The following DYNC2I1 variants were observed in gnomAD, a reference collection of about 807,000 sequenced individuals.
DYNC2I1 encodes cytoplasmic dynein 2 intermediate chain 1.
DYNC2I1 carries 89 observed loss-of-function variants against 133.4 expected under a neutral mutation model. That is an observed-to-expected ratio of 0.67 (90% CI 0.56 to 0.80). The LOEUF (loss-of-function observed/expected upper bound fraction) is 0.80. DYNC2I1 is among the 30% of genes least tolerant of loss of function. The pLI is 0.00. For missense variants in DYNC2I1, 1,291 were observed against 1,314.5 expected (o/e 0.98, Z 0.28); for synonymous variants, 504 against 484.3 (o/e 1.04, Z -0.54).
Position 158,869,895 on chromosome 7 carries a change from GAA to G in DYNC2I1, c.59_60del (p.Lys20ThrfsTer23). The G allele has an allele frequency of 6.2e-7, 1 of 1,613,594 alleles. No homozygotes were observed. The highest frequency in any genetic ancestry group is 8.5e-7 in the Non-Finnish European group (1 of 1,179,576). On this transcript the variant is annotated frameshift_variant, in exon 2 of 25. Transcript: ENST00000407559. LOFTEE classifies it high-confidence loss of function. ...GATACCTGGAAAGCAGATGACCTCA[GAA>G]AACATCTCTGGGTAATTATTGTAAA...
Position 158,918,216 on chromosome 7 carries a change from A to G in DYNC2I1, c.1792-524A>G, listed in dbSNP as rs151115445. ...CAAATCCTGTTGCTTCTCATTCAAC[A>G]CTCTCTGCCTTCCTCACTTTCCTTG... On this transcript the variant is annotated intron_variant, in intron 14 of 24. Transcript: ENST00000407559. 1.7e-3 allele frequency among the ~76,000 whole-genome samples: 255 copies of G among 151,906 alleles called. 2 individuals carry two copies. Among genetic ancestry groups the G allele is most frequent in the African/African-American group, 5.4e-3 (224 of 41,390 alleles).
At chr7:158,845,536 T>G in the DYNC2I1 span, among the ~76,000 whole-genome samples, 1 of 152,152 alleles carries the variant, frequency 6.6e-6, no homozygotes, top group Non-Finnish European at 1.5e-5. Context: ...TAAAATAGAA[T>G]AATTGTTGCT....
chr7:158,942,579 C>T (rs897283574), intron 24 of DYNC2I1, among the ~76,000 whole-genome samples: 1 of 152,248 alleles, frequency 6.6e-6, no homozygotes, highest in African/African-American at 2.4e-5. Context: ...GGTATTTCCC[C>T]ATCATTAGTG....
At chr7:158,884,700 G>C in intron 6 of DYNC2I1, 81 bp downstream of exon 6, 3 of 1,448,404 alleles carry the variant, frequency 2.1e-6, no homozygotes, top group Non-Finnish European at 2.9e-6. Flanking sequence ...TATTGGCTCC[G>C]ATGACGGCCA....
intron 15 of DYNC2I1, among the ~76,000 whole-genome samples, chr7:158,919,449 A>G (rs1848794175): frequency 6.6e-6 from 1 of 152,200 alleles, no homozygotes; most frequent in Non-Finnish European, 1.5e-5. Flanking sequence ...GACCAAACTG[A>G]AATTTCTTGA....
intron 4 of DYNC2I1, among the ~76,000 whole-genome samples, chr7:158,955,761 A>G (rs1012060424): frequency 3.9e-5 from 6 of 152,198 alleles, no homozygotes; most frequent in Non-Finnish European, 7.3e-5. Context: ...TGTCCTGCCC[A>G]GTTCCTGTAA....
chr7:158,929,021 A>G (rs960194359), intron 20 of DYNC2I1, among the ~76,000 whole-genome samples: 5 of 152,252 alleles, frequency 3.3e-5, no homozygotes, highest in African/African-American at 1.2e-4. Context: ...TTTGTAGTAC[A>G]TGATGGTCAT....
the DYNC2I1 span, among the ~76,000 whole-genome samples, chr7:158,850,115 G>A: frequency 6.6e-6 from 1 of 152,232 alleles, no homozygotes; most frequent in Non-Finnish European, 1.5e-5. Flanking sequence ...TGCAGAGCTG[G>A]GGAGTGGGGA....
chr7:158,934,342 G>T, intron 22 of DYNC2I1, 76 bp from the exon 23 acceptor site: 1 of 1,547,954 alleles, frequency 6.5e-7, no homozygotes, highest in East Asian at 2.3e-5. Flanking sequence ...AGTTTAAATT[G>T]TTTGAGGAAC....
chr7:158,927,089 A>G, intron 20 of DYNC2I1, 46 bp downstream of exon 20: 1 of 1,412,014 alleles, frequency 7.1e-7, no homozygotes, highest in South Asian at 1.3e-5. Flanking sequence ...TCTAAAATGA[A>G]TCGAGATTAA....
intron 17 of DYNC2I1, among the ~76,000 whole-genome samples, chr7:158,925,299 A>G (rs1444620485): frequency 6.6e-6 from 1 of 152,002 alleles, no homozygotes; most frequent in Non-Finnish European, 1.5e-5. Flanking sequence ...CCTGAGTTCA[A>G]TCCCAGTTCT....
At chr7:158,908,265 T>A (rs1183360857) in intron 11 of DYNC2I1, among the ~76,000 whole-genome samples, 1 of 151,722 alleles carries the variant, frequency 6.6e-6, no homozygotes, top group African/African-American at 2.4e-5. Context: ...CCAAGATAAA[T>A]TCCAAATGGA....
chr7:158,877,619 T>C (rs1843489153), intron 4 of DYNC2I1, among the ~76,000 whole-genome samples: 1 of 152,194 alleles, frequency 6.6e-6, no homozygotes, highest in Non-Finnish European at 1.5e-5. Flanking sequence ...CAGAAGAAAA[T>C]GGCATTTCTG....
At chr7:158,934,679 C>T in intron 23 of DYNC2I1, 130 bp downstream of exon 23, 1 of 935,446 alleles carries the variant, frequency 1.1e-6, no homozygotes, top group Non-Finnish European at 1.6e-6. Context: ...CTCCTGGGCT[C>T]AAATGACCCT....
In DYNC2I1 at chr7:158,900,974, A is replaced by G. The variant is rs77529931; in HGVS notation, c.1060-765A>G. On this transcript the variant is annotated intron_variant, in intron 8 of 24. Coordinates refer to ENST00000407559, the MANE Select transcript of DYNC2I1 (RefSeq NM_018051.5). ...TGCTTGCCTGCTATCAACTTTGTCTATTAGAGCTCTTAGGATGTCCTCATA... is the reference window on the plus strand; with the variant it reads ...TGCTTGCCTGCTATCAACTTTGTCTGTTAGAGCTCTTAGGATGTCCTCATA... Among the ~76,000 whole-genome samples, 941 of 152,058 alleles carry G rather than the reference A, an allele frequency of 6.2e-3. 60 individuals carry two copies. The East Asian group carries it at 0.13, about 21-fold the overall frequency.
At chr7:158,924,203 C>G (rs1849385344) in intron 17 of DYNC2I1, among the ~76,000 whole-genome samples, 1 of 152,234 alleles carries the variant, frequency 6.6e-6, no homozygotes, top group South Asian at 2.1e-4. Context: ...TCCCTGTGTT[C>G]TGGGACTCGC....
At chr7:158,900,736 T>TTC (rs1554459697) in intron 8 of DYNC2I1, among the ~76,000 whole-genome samples, 1 of 151,396 alleles carries the variant, frequency 6.6e-6, no homozygotes, top group African/African-American at 2.4e-5. Flanking sequence ...GTTCTGTTTT[T>TTC]TTTTTTTTTT....
rs760299957 is a variant in DYNC2I1 at position 158,922,439 on chromosome 7, G to A, written c.1984G>A (p.Asp662Asn). The change falls in exon 16 of 25, where the codon GAC (aspartate) becomes AAC (asparagine). Residue 662 changes from aspartate to asparagine, a missense_variant. Asp to Asn is a conservative substitution (Grantham distance 23). Coordinates refer to ENST00000407559, the MANE Select transcript of DYNC2I1 (RefSeq NM_018051.5). ...GAGGCAGATGGTGGTCTCCGTTCAC[G>A]ACTTACCCGAGAAGAGCTTTGTGCC... The part of the protein sequence containing the change: ...VQRQMVVSVH[D>N]LPEKSFVPLL... 8.7e-6 allele frequency: 14 copies of A among 1,613,966 alleles called. No individual in the cohort carries two copies. Among genetic ancestry groups the A allele is most frequent in the East Asian group, 4.5e-5 (2 of 44,886 alleles).
chr7:158,927,065 T>G, intron 20 of DYNC2I1, 22 bp downstream of exon 20: 2 of 1,540,014 alleles, frequency 1.3e-6, no homozygotes, highest in Non-Finnish European at 1.8e-6. Context: ...GTAAAAAAAT[T>G]AATTTTAGTG....
Sources: gnomAD v4.1 joint callset for allele counts (sites outside exome capture counted in the v4.1 genomes callset) on GRCh38, gnomAD v4.1.1 for gene constraint, MANE v1.5 for transcripts, NCBI Gene and HGNC (gene_info 2026-07-23, HGNC 2026-07-21) for gene names.